The following GPR39 variants were observed in gnomAD, a reference collection of about 807,000 sequenced individuals.
GPR39 encodes G protein-coupled receptor 39.
In GPR39, 23 loss-of-function variants were observed where a neutral mutation model predicts 18.4. The observed-to-expected ratio is 1.25, with a 90% CI of 0.90 to 1.77. The LOEUF (loss-of-function observed/expected upper bound fraction) is 1.77, where lower values mean the gene tolerates loss of function less well. Ranked by LOEUF, GPR39 falls within the 40% of genes most tolerant of loss-of-function variation. The pLI is 0.00. For synonymous variants in GPR39, 280 were observed against 257.9 expected, an observed-to-expected ratio of 1.09 and a Z score of -0.82; for missense variants, 647 against 602.4, an observed-to-expected ratio of 1.07 and a Z score of -0.78.
At chr2:132,628,637 C>G (rs537574108) in intron 1 of GPR39, among the ~76,000 whole-genome samples, 2 of 152,270 alleles carry the variant, frequency 1.3e-5, no homozygotes, top group South Asian at 4.1e-4. Flanking sequence ...AATCATTTTT[C>G]TAAGTACCAT....
intron 1 of GPR39, among the ~76,000 whole-genome samples, chr2:132,486,280 G>T (rs1681337110): frequency 1.3e-5 from 2 of 152,138 alleles, no homozygotes; most frequent in Admixed American, 1.3e-4. Context: ...AATTCTGAAG[G>T]ACCCTAGGAT....
At chr2:132,437,487 C>G (rs115492327) in intron 1 of GPR39, among the ~76,000 whole-genome samples, 3,059 of 152,156 alleles carry the variant, frequency 0.02, 109 homozygotes, top group African/African-American at 0.068. Context: ...TAGGCCCTGG[C>G]TCTGCTCCCA....
At chr2:132,449,988 A>T (rs989312406) in intron 1 of GPR39, among the ~76,000 whole-genome samples, 3 of 152,166 alleles carry the variant, frequency 2.0e-5, no homozygotes, top group African/African-American at 7.2e-5. Flanking sequence ...GACAGCTTGG[A>T]AATGCAAAAA....
chr2:132,477,274 G>A (rs1464885358), intron 1 of GPR39, among the ~76,000 whole-genome samples: 3 of 152,178 alleles, frequency 2.0e-5, no homozygotes, highest in Non-Finnish European at 4.4e-5. Context: ...TGAAGGACGA[G>A]TAGAAGATAC....
intron 1 of GPR39, among the ~76,000 whole-genome samples, chr2:132,644,061 A>C (rs1681930960): frequency 6.6e-6 from 1 of 152,320 alleles, no homozygotes; most frequent in Middle Eastern, 3.4e-3. Flanking sequence ...AAGAGAGAGC[A>C]AATGCTTCAC....
intron 1 of GPR39, among the ~76,000 whole-genome samples, chr2:132,440,378 C>T (rs867027097): frequency 7.2e-5 from 11 of 152,266 alleles, no homozygotes; most frequent in African/African-American, 2.4e-4. Context: ...CATGAGAACA[C>T]GAACCCTGGA....
intron 1 of GPR39, among the ~76,000 whole-genome samples, chr2:132,524,103 G>A (rs1679468717): frequency 6.6e-6 from 1 of 152,192 alleles, no homozygotes; most frequent in African/African-American, 2.4e-5. Context: ...GCTCAAGTTT[G>A]AGAACCACCA....
chr2:132,417,199 C>G lies in GPR39; in HGVS notation c.157C>G (p.Arg53Gly). The G allele has an allele frequency of 6.2e-7, 1 of 1,614,104 alleles. No individual in the cohort carries two copies. The highest frequency in any genetic ancestry group is 2.2e-5 in the East Asian group (1 of 44,864). Residue 53 changes from arginine (R) to glycine (G), a missense_variant, in exon 1 of 2, where the codon CGG (arginine) becomes GGG (glycine). By Grantham distance (125) the Arg-to-Gly change is moderately radical. Around this residue, in one of 3 missense-constraint regions of GPR39, gnomAD observed 61 missense variants for 79.2 expected, o/e 0.77. Transcript: ENST00000329321. ...CCTTCTGGGGAACAGCGCCACCATT[C>G]GGGTCACCCAGGTGCTGCAGAAGAA... is the stretch of plus-strand genomic sequence containing the variant. ...MGLLGNSATIRVTQVLQKKGY... is the reference protein window; with the variant it reads ...MGLLGNSATIGVTQVLQKKGY...
intron 1 of GPR39, among the ~76,000 whole-genome samples, chr2:132,572,392 A>G (rs1193830554): frequency 6.6e-6 from 1 of 152,150 alleles, no homozygotes; most frequent in Admixed American, 6.5e-5. Context: ...TGAGCAGAGC[A>G]TCCCCACGAG....
At chr2:132,640,710 A>C (rs973257901) in intron 1 of GPR39, among the ~76,000 whole-genome samples, 4 of 152,212 alleles carry the variant, frequency 2.6e-5, no homozygotes, top group Admixed American at 2.0e-4. Context: ...AATACACTCT[A>C]TTAGGGCGTG....
intron 1 of GPR39, among the ~76,000 whole-genome samples, chr2:132,461,952 C>T (rs532823108): frequency 1.3e-5 from 2 of 152,280 alleles, no homozygotes; most frequent in South Asian, 4.2e-4. Context: ...GCTCTTCTTC[C>T]ATCAGTGGGC....
intron 1 of GPR39, among the ~76,000 whole-genome samples, chr2:132,583,060 G>A (rs1015841834): frequency 5.3e-5 from 8 of 151,376 alleles, no homozygotes; most frequent in Non-Finnish European, 1.0e-4. Context: ...ACCATACCCA[G>A]CTAATTATTT....
intron 1 of GPR39, among the ~76,000 whole-genome samples, chr2:132,608,469 C>T (rs1681180029): frequency 6.6e-6 from 1 of 152,218 alleles, no homozygotes; most frequent in East Asian, 1.9e-4. Context: ...CTCAGTCCCA[C>T]TGTTTCCTTT....
At chr2:132,595,845 G>T (rs1680935486) in intron 1 of GPR39, among the ~76,000 whole-genome samples, 1 of 152,156 alleles carries the variant, frequency 6.6e-6, no homozygotes, top group Admixed American at 6.5e-5. Flanking sequence ...TAATGAAAGT[G>T]CTAGGGAGAC....
At chr2:132,419,918 A>T (rs4468866) in intron 1 of GPR39, among the ~76,000 whole-genome samples, 22,239 of 152,134 alleles carry the variant, frequency 0.15, 2,039 homozygotes, top group Admixed American at 0.2. Flanking sequence ...TGTTTCCTGT[A>T]TTTCTCTGAG....
chr2:132,578,460 T>C (rs1680566395), intron 1 of GPR39, among the ~76,000 whole-genome samples: 1 of 152,144 alleles, frequency 6.6e-6, no homozygotes, highest in Non-Finnish European at 1.5e-5. Context: ...TTTTTAAAAA[T>C]ATTTGGTAGA....
At chr2:132,442,846 A>G (rs1181060554) in intron 1 of GPR39, among the ~76,000 whole-genome samples, 1 of 152,146 alleles carries the variant, frequency 6.6e-6, no homozygotes, top group Non-Finnish European at 1.5e-5. Flanking sequence ...ACATTTTTTC[A>G]ACATTAAAAA....
At chr2:132,457,320 T>G (rs1281382937) in intron 1 of GPR39, among the ~76,000 whole-genome samples, 1 of 152,256 alleles carries the variant, frequency 6.6e-6, no homozygotes, top group Non-Finnish European at 1.5e-5. Context: ...GCTATGATTT[T>G]CAGCTCCATC....
chr2:132,492,778 A>G (rs901337186), intron 1 of GPR39, among the ~76,000 whole-genome samples: 4 of 19,510 alleles, frequency 2.1e-4, no homozygotes, highest in Non-Finnish European at 9.3e-4. Context: ...TTCCATATAT[A>G]TACCATATAT....
Sources: allele counts gnomAD v4.1 joint callset (sites outside exome capture counted in the v4.1 genomes callset), GRCh38; gene constraint gnomAD v4.1.1; regional missense constraint gnomAD v4.1.1; transcripts MANE v1.5; gene names NCBI Gene and HGNC (gene_info 2026-07-23, HGNC 2026-07-21).